The following IKBKB-DT variants were observed in gnomAD, a reference collection of about 807,000 sequenced individuals.
The protein encoded by IKBKB-DT is IKBKB antisense RNA.
intron 1 of IKBKB-DT, among the ~76,000 whole-genome samples, chr8:42,268,198 G>A (rs1170391433): frequency 1.4e-5 from 2 of 147,588 alleles, no homozygotes; most frequent in Admixed American, 6.9e-5. Flanking sequence ...GCAATGGCAC[G>A]ATCTCGGCTC....
At chr8:42,250,487 C>G (rs1375436159) in intron 3 of IKBKB-DT, among the ~76,000 whole-genome samples, 1 of 152,186 alleles carries the variant, frequency 6.6e-6, no homozygotes, top group Non-Finnish European at 1.5e-5. Flanking sequence ...ATCCTCCTAG[C>G]CTGGTGCTCC....
intron 3 of IKBKB-DT, among the ~76,000 whole-genome samples, chr8:42,262,758 G>T (rs141978060): frequency 2.1e-5 from 3 of 146,006 alleles, no homozygotes; most frequent in African/African-American, 7.6e-5. Context: ...ATTTTTTTGA[G>T]ACAGGGTCTC....
At chr8:42,249,150 C>A (rs1177449276) in intron 3 of IKBKB-DT, 2 of 152,146 alleles carry the variant, frequency 1.3e-5, no homozygotes, top group Non-Finnish European at 2.9e-5. Context: ...AGGAGGATCA[C>A]TTGAGCCCAG....
chr8:42,269,378 G>A (rs1445373413), intron 1 of IKBKB-DT, among the ~76,000 whole-genome samples: 1 of 129,762 alleles, frequency 7.7e-6, no homozygotes, highest in Non-Finnish European at 1.6e-5. Flanking sequence ...GGAAAGGAAA[G>A]GAAGAAAGAA....
chr8:42,259,596 C>G (rs994100733), intron 3 of IKBKB-DT, among the ~76,000 whole-genome samples: 1 of 152,078 alleles, frequency 6.6e-6, no homozygotes, highest in African/African-American at 2.4e-5. Context: ...TTGTTAAAAG[C>G]TCATTTATAT....
chr8:42,234,143 G>C (rs1012172224), intron 3 of IKBKB-DT, among the ~76,000 whole-genome samples: 30 of 152,198 alleles, frequency 2.0e-4, no homozygotes, highest in African/African-American at 7.0e-4. Flanking sequence ...CCCAAAGTTA[G>C]TTCAACCTAC....
intron 3 of IKBKB-DT, among the ~76,000 whole-genome samples, chr8:42,247,504 T>C (rs1807077966): frequency 6.6e-6 from 1 of 152,154 alleles, no homozygotes; most frequent in African/African-American, 2.4e-5. Context: ...GGGTTAATAC[T>C]GGAATGAATT....
chr8:42,252,305 C>G (rs1303561849), intron 3 of IKBKB-DT, among the ~76,000 whole-genome samples: 2 of 152,210 alleles, frequency 1.3e-5, no homozygotes, highest in Non-Finnish European at 2.9e-5. Flanking sequence ...CCCATGCATT[C>G]CACCACAGAA....
chr8:42,249,512 T>C (rs1807104855), intron 3 of IKBKB-DT, among the ~76,000 whole-genome samples: 1 of 151,880 alleles, frequency 6.6e-6, no homozygotes, highest in Admixed American at 6.6e-5. Flanking sequence ...TACAAGACTT[T>C]TGATTCTACC....
At chr8:42,253,004 G>A (rs1807149208) in intron 3 of IKBKB-DT, among the ~76,000 whole-genome samples, 1 of 152,194 alleles carries the variant, frequency 6.6e-6, no homozygotes, top group Admixed American at 6.5e-5. Context: ...TATCTGTAAA[G>A]AATCTCTATT....
chr8:42,247,429 T>C (rs7826094), intron 3 of IKBKB-DT, among the ~76,000 whole-genome samples: 20,302 of 152,176 alleles, frequency 0.13, 3,017 homozygotes, highest in African/African-American at 0.37. Flanking sequence ...TTGCTTTTGA[T>C]TTTACTGGCT....
chr8:42,260,911 T>C (rs1055011701), intron 3 of IKBKB-DT, among the ~76,000 whole-genome samples: 1 of 152,030 alleles, frequency 6.6e-6, no homozygotes, highest in Non-Finnish European at 1.5e-5. Context: ...CCAAACAGGG[T>C]GCAAAGATAC....
intron 3 of IKBKB-DT, among the ~76,000 whole-genome samples, chr8:42,262,223 GTA>G (rs1807298410): frequency 6.6e-6 from 1 of 151,290 alleles, no homozygotes; most frequent in Non-Finnish European, 1.5e-5. Context: ...CATGGCACAT[GTA>G]TACGTATGTA....
intron 3 of IKBKB-DT, among the ~76,000 whole-genome samples, chr8:42,242,210 A>G (rs1332454335): frequency 6.6e-6 from 1 of 152,148 alleles, no homozygotes; most frequent in Non-Finnish European, 1.5e-5. Context: ...GCAAGACTCC[A>G]TCTCAAAAAT....
exon 2 of IKBKB-DT, among the ~76,000 whole-genome samples, chr8:42,265,892 T>C (rs1310702131): frequency 2.6e-5 from 4 of 152,174 alleles, no homozygotes; most frequent in Non-Finnish European, 4.4e-5. Flanking sequence ...TCTCAGTTTC[T>C]TGATTGGCCC....
At chr8:42,239,211 G>T (rs536528302) in intron 3 of IKBKB-DT, among the ~76,000 whole-genome samples, 5 of 152,232 alleles carry the variant, frequency 3.3e-5, no homozygotes, top group African/African-American at 1.2e-4. Context: ...ACTCATCACA[G>T]TTCCTTTGGC....
At chr8:42,254,851 ACAG>A (rs1315270509) in intron 3 of IKBKB-DT, among the ~76,000 whole-genome samples, 1 of 136,876 alleles carries the variant, frequency 7.3e-6, no homozygotes, top group Non-Finnish European at 1.6e-5. Flanking sequence ...CGGCCGCCCC[ACAG>A]TCTGGGAAGT....
chr8:42,246,770 TA>T (rs1427971886), intron 3 of IKBKB-DT, among the ~76,000 whole-genome samples: 9 of 152,330 alleles, frequency 5.9e-5, no homozygotes, highest in Admixed American at 2.6e-4. Flanking sequence ...TGGTTTCTTA[TA>T]GCAGCAGTCC....
chr8:42,237,144 T>C (rs57285081), intron 3 of IKBKB-DT, among the ~76,000 whole-genome samples: 48,181 of 150,898 alleles, frequency 0.32, 9,913 homozygotes, highest in African/African-American at 0.58. Flanking sequence ...TGGAGTGGAG[T>C]GGTACAATCT....
Sources: allele counts gnomAD v4.1 joint callset (sites outside exome capture counted in the v4.1 genomes callset), GRCh38; gene constraint gnomAD v4.1.1; transcripts MANE v1.5; gene names NCBI Gene and HGNC (gene_info 2026-07-23, HGNC 2026-07-21).